The following LYST variants were observed in gnomAD, a reference collection of about 807,000 sequenced individuals.
LYST encodes the protein lysosomal-trafficking regulator.
Under a neutral mutation model 413.6 loss-of-function variants are expected in LYST, and 192 were observed. The observed-to-expected ratio is 0.46, with a 90% CI of 0.41 to 0.52. The LOEUF (loss-of-function observed/expected upper bound fraction) is 0.52. Ranked by LOEUF, LYST falls within the 20% of genes least tolerant of loss-of-function variation. The probability of loss-of-function intolerance (pLI) is 0.00; values close to 1 mark genes in which losing one functional copy is unlikely to be tolerated. For missense variants in LYST, 3,815 were observed against 4,499.9 expected (o/e 0.85, Z 4.35); for synonymous variants, 1,525 against 1,567.3 (o/e 0.97, Z 0.64).
intron 46 of LYST, among the ~76,000 whole-genome samples, chr1:235,693,885 A>G (rs184387819): frequency 2.6e-5 from 4 of 152,314 alleles, no homozygotes; most frequent in Non-Finnish European, 5.9e-5. Flanking sequence ...AGTAGCAGGA[A>G]GATAACACTG....
chr1:235,703,541 C>A (rs1047462190), intron 44 of LYST, among the ~76,000 whole-genome samples: 1 of 152,126 alleles, frequency 6.6e-6, no homozygotes, highest in Non-Finnish European at 1.5e-5. Flanking sequence ...CTAAAGCTGG[C>A]GGTCAGTAAT....
intron 12 of LYST, among the ~76,000 whole-genome samples, chr1:235,790,694 C>T (rs1670887578): frequency 6.6e-6 from 1 of 152,190 alleles, no homozygotes; most frequent in Non-Finnish European, 1.5e-5. Context: ...TAAGAATTAT[C>T]CTACCTACTT....
intron 16 of LYST, among the ~76,000 whole-genome samples, chr1:235,777,930 T>C (rs951788365): frequency 5.3e-5 from 8 of 151,758 alleles, no homozygotes; most frequent in Non-Finnish European, 1.0e-4. Context: ...ACAGAATGCA[T>C]GTTTTTCTTA....
intron 17 of LYST, among the ~76,000 whole-genome samples, chr1:235,776,110 C>T (rs1424168921): frequency 6.6e-6 from 1 of 151,668 alleles, no homozygotes; most frequent in East Asian, 1.9e-4. Flanking sequence ...TACGATGGTA[C>T]AAAATATCAC....
At chr1:235,758,189 G>A (rs1008807973) in intron 23 of LYST, among the ~76,000 whole-genome samples, 4 of 152,184 alleles carry the variant, frequency 2.6e-5, no homozygotes, top group African/African-American at 4.8e-5. Context: ...ATGGGTCTGC[G>A]ATAGCAGAAG....
At chr1:235,758,474 A>G (rs749771143) in intron 23 of LYST, among the ~76,000 whole-genome samples, 13 of 152,240 alleles carry the variant, frequency 8.5e-5, no homozygotes, top group Non-Finnish European at 1.2e-4. Context: ...GTTCAGCACT[A>G]AGACCTGCAT....
chr1:235,690,512 T>TA lies in LYST; in HGVS notation c.10701+2837dup, dbSNP rs112481538. Among the ~76,000 whole-genome samples, 489 of 150,506 alleles carry TA rather than the reference T, an allele frequency of 3.2e-3. 2 individuals are homozygous for TA. The highest frequency in any genetic ancestry group is 0.011 in the African/African-American group (449 of 41,104). Reference sequence around the variant, plus strand: ...TTAATGCAGCCTGATGTTTCAAAACTAAAAAAAAAATCTTATTAAAGTTCC... The same window carrying TA: ...TTAATGCAGCCTGATGTTTCAAAACTAAAAAAAAAAATCTTATTAAAGTTCC... On this transcript the variant is annotated intron_variant, in intron 47 of 52. Transcript: ENST00000389793.
chr1:235,866,138 C>T (rs1680474542), intron 1 of LYST, among the ~76,000 whole-genome samples: 2 of 152,174 alleles, frequency 1.3e-5, no homozygotes, highest in Admixed American at 6.5e-5. Context: ...CACTGTGGTA[C>T]CGGGGTCTTC....
rs1274363445 is a variant in LYST, at chr1:235,810,526, G to A, written c.292C>T (p.Leu98=). The change falls in exon 5 of 53, where the codon CTA becomes TTA. Residue 98 remains leucine, a synonymous_variant. Coordinates refer to ENST00000389793, the MANE Select transcript of LYST (RefSeq NM_000081.4). The stretch of plus-strand genomic sequence containing the variant: ...AGGATTATATCTGCTGAGAGCGGTA[G>A]GTTAAAATCTAATGGAATGAAAAAA... ...VQEEKATDFN[L]PLSADIILTK... is the part of the protein sequence containing the mutation. 1.1e-5 allele frequency: 18 copies of A among 1,610,872 alleles called. No individual in the cohort carries two copies. Among genetic ancestry groups the A allele is most frequent in the Non-Finnish European group, 1.5e-5 (18 of 1,179,684 alleles).
At chr1:235,694,213 T>A (rs140701654) in intron 46 of LYST, among the ~76,000 whole-genome samples, 51 of 151,782 alleles carry the variant, frequency 3.4e-4, no homozygotes, top group African/African-American at 1.2e-3. Flanking sequence ...CGGGGTTTCA[T>A]CATGTTGGCC....
chr1:235,826,664 A>C (rs1419772910), intron 3 of LYST, among the ~76,000 whole-genome samples: 4 of 152,158 alleles, frequency 2.6e-5, no homozygotes, highest in Non-Finnish European at 5.9e-5. Flanking sequence ...TGGTGATGAC[A>C]CAGGTGTAAA....
chr1:235,803,016 C>T lies in LYST; in HGVS notation c.3604G>A (p.Glu1202Lys). Residue 1202 changes from glutamate to lysine, a missense_variant, in exon 8 of 53, where the codon GAA (glutamate) becomes AAA (lysine). Coordinates refer to ENST00000389793, the MANE Select transcript of LYST (RefSeq NM_000081.4). Reference sequence around the variant, plus strand: ...CAACACTGAGAATCCTCAGCTTCTTCTGAAAAATCACCAGGCTGGGATGAC... The same window carrying T: ...CAACACTGAGAATCCTCAGCTTCTTTTGAAAAATCACCAGGCTGGGATGAC... The part of the protein sequence containing the change: ...ELSSQPGDFS[E>K]EAEDSQCCSF... 1 of 1,613,380 alleles carries T rather than the reference C, an allele frequency of 6.2e-7. No homozygotes were observed. Among genetic ancestry groups the T allele is most frequent in the East Asian group, 2.2e-5 (1 of 44,786 alleles).
At chr1:235,846,962 T>C (rs965777304) in intron 1 of LYST, among the ~76,000 whole-genome samples, 1 of 152,150 alleles carries the variant, frequency 6.6e-6, no homozygotes. Flanking sequence ...TCTGGGTGGA[T>C]AATTGAGGAA....
Position 235,664,451 on chromosome 1 carries a change from C to A in LYST, c.11195+14G>T, listed in dbSNP as rs377579412. On this transcript the variant is annotated intron_variant, in intron 51 of 52. Transcript: ENST00000389793. The surrounding 1 kb of genome is among the most constrained non-coding windows in gnomAD (Gnocchi z 4.5). ...TGAATGAAATCAAAAAAAGAGAATC[C>A]AAATTCCTCTTACCTTACAATTCCA... 1.9e-6 allele frequency: 3 copies of A among 1,611,994 alleles called. No individual in the cohort carries two copies. The African/African-American group carries it at 4.0e-5, about 22-fold the overall frequency.
intron 13 of LYST, 69 bp from the exon 14 acceptor site, chr1:235,787,442 T>C (rs1350271222): frequency 3.4e-6 from 4 of 1,174,752 alleles, no homozygotes; most frequent in East Asian, 2.3e-5. Context: ...AACATACATA[T>C]AGTAACTATA....
Position 235,791,778 on chromosome 1 carries a change from C to G in LYST, c.4464G>C (p.Glu1488Asp), listed in dbSNP as rs1230291239. ...TCTTCTTTCCTTTTTCTGTAGTACTCTCAGCTTCATGGATACACTCCACAT... is the reference window on the plus strand; with the variant it reads ...TCTTCTTTCCTTTTTCTGTAGTACTGTCAGCTTCATGGATACACTCCACAT... ...WFNVECIHEA[E>D]STTEKGKKIK... is the part of the protein sequence containing the mutation. Residue 1488 changes from glutamate to aspartate, a missense_variant, in exon 12 of 53, where the codon GAG becomes GAC. Glu to Asp is a conservative substitution (Grantham distance 45, BLOSUM62 2). This residue lies in a region of LYST where 1,648 missense variants were observed against 1,810.3 expected (regional missense o/e 0.91). Coordinates refer to ENST00000389793, the MANE Select transcript of LYST (RefSeq NM_000081.4). 3 of 1,613,440 alleles carry G rather than the reference C, an allele frequency of 1.9e-6. No individual in the cohort carries two copies. The highest frequency in any genetic ancestry group is 2.2e-5 in the South Asian group (2 of 91,080).
intron 19 of LYST, among the ~76,000 whole-genome samples, chr1:235,770,565 G>C (rs944044885): frequency 2.0e-5 from 3 of 152,106 alleles, no homozygotes; most frequent in Non-Finnish European, 4.4e-5. Flanking sequence ...ATTTTCAAAA[G>C]ATGAATTATC....
chr1:235,676,960 A>G, intron 50 of LYST, 131 bp downstream of exon 50: 1 of 734,302 alleles, frequency 1.4e-6, no homozygotes, highest in Non-Finnish European at 2.5e-6. Context: ...TTCTATACAC[A>G]TACATGCTGT....
In LYST at chr1:235,843,941, C is replaced by G. The variant is rs111688783; in HGVS notation, c.-97-10274G>C. ...ACGTGCTTGCCTAATTTTCTCAATT[C>G]AATAGTATTAGAGAAGTTGCCATTG... On this transcript the variant is annotated intron_variant, in intron 1 of 52. Coordinates refer to ENST00000389793, the MANE Select transcript of LYST (RefSeq NM_000081.4). 3.4e-4 allele frequency among the ~76,000 whole-genome samples: 51 copies of G among 152,162 alleles called. 1 individual carries two copies. The highest frequency in any genetic ancestry group is 1.2e-3 in the African/African-American group (48 of 41,492).
Sources: allele counts gnomAD v4.1 joint callset (sites outside exome capture counted in the v4.1 genomes callset), GRCh38; gene constraint gnomAD v4.1.1; regional missense constraint gnomAD v4.1.1; non-coding constraint Gnocchi (gnomAD v3.1); transcripts MANE v1.5; gene names NCBI Gene and HGNC (gene_info 2026-07-23, HGNC 2026-07-21).